ADAMTS10: variants seen among roughly 807,000 people sequenced by gnomAD.
The protein encoded by ADAMTS10 is ADAM metallopeptidase with thrombospondin type 1 motif 10.
In ADAMTS10, 48 loss-of-function variants were observed where a neutral mutation model predicts 135.9. The observed-to-expected ratio is 0.35, with a 90% confidence interval of 0.28 to 0.45. The LOEUF (loss-of-function observed/expected upper bound fraction) is 0.45, where lower values mean the gene tolerates loss of function less well. Ranked by LOEUF, ADAMTS10 falls within the 20% of genes least tolerant of loss-of-function variation. The pLI is 1.00. For synonymous variants in ADAMTS10, 621 were observed against 647.5 expected, an observed-to-expected ratio of 0.96 and a Z score of 0.62; for missense variants, 1,131 against 1,565.2, an observed-to-expected ratio of 0.72 and a Z score of 4.68.
At chr19:8,600,306 T>A (rs1439062893) in intron 6 of ADAMTS10, among the ~76,000 whole-genome samples, 1 of 152,140 alleles carries the variant, frequency 6.6e-6, no homozygotes, top group African/African-American at 2.4e-5. Context: ...AGTTAAAAAG[T>A]GGCAGAGCGG....
At position 8,591,759 on chromosome 19, in the gene ADAMTS10, G is replaced by A. The variant is rs533752686; in HGVS notation, c.1797+41C>T. ...CCGGCCTCTGATAGCTGTTTTTAAT[G>A]CTTCCTCCCCCCACCCCTCAAGGGG... On this transcript the variant is annotated intron_variant, in intron 15 of 25. Transcript: ENST00000597188. The A allele has an allele frequency of 4.8e-4, 777 of 1,610,964 alleles. 7 individuals are homozygous for A. Among genetic ancestry groups the A allele is most frequent in the South Asian group, 4.0e-3 (364 of 90,980 alleles).
chr19:8,599,177 G>A (rs1033681804), intron 6 of ADAMTS10, among the ~76,000 whole-genome samples: 2 of 152,026 alleles, frequency 1.3e-5, no homozygotes, highest in African/African-American at 4.8e-5. Context: ...CTGAGATCTA[G>A]GATGGAAATG....
chr19:8,581,133 T>A (rs1360996379), intron 25 of ADAMTS10, 131 bp from the exon 26 acceptor site: 19 of 65,920 alleles, frequency 2.9e-4, no homozygotes, highest in East Asian at 1.5e-3. Context: ...AAATTTACTT[T>A]TTTTTTTTTT....
chr19:8,585,598 G>A lies in ADAMTS10; in HGVS notation c.2723C>T (p.Ser908Leu), dbSNP rs782377043. Residue 908 changes from serine (S) to leucine (L), a missense_variant, in exon 23 of 26, where the codon TCG becomes TTG. Transcript: ENST00000597188. ...RSCDAGVRSR[S>L]VVCQRRVSAA... Reference sequence around the variant, plus strand: ...AGAGACGCGGCGCTGGCACACGACCGAGCGGCTGCGCACGCCTGCATCGCA... The same window carrying A: ...AGAGACGCGGCGCTGGCACACGACCAAGCGGCTGCGCACGCCTGCATCGCA... 6 of 1,610,334 alleles carry A rather than the reference G, an allele frequency of 3.7e-6. No individual in the cohort carries two copies. The Admixed American group carries it at 5.0e-5, about 13-fold the overall frequency.
intron 15 of ADAMTS10, among the ~76,000 whole-genome samples, chr19:8,590,349 T>C (rs1435701338): frequency 6.6e-6 from 1 of 152,144 alleles, no homozygotes; most frequent in African/African-American, 2.4e-5. Context: ...TCTTAGCTCA[T>C]TGCAACCTCC....
At chr19:8,592,950 A>C (rs1435351091) in intron 12 of ADAMTS10, 80 bp from the exon 13 acceptor site, 4 of 1,336,836 alleles carry the variant, frequency 3.0e-6, no homozygotes, top group Non-Finnish European at 4.2e-6. Context: ...GAGGACCCAG[A>C]TGTCCGGCTC....
chr19:8,582,941 C>T (rs991073686), intron 25 of ADAMTS10, among the ~76,000 whole-genome samples: 2 of 152,144 alleles, frequency 1.3e-5, no homozygotes, highest in Non-Finnish European at 2.9e-5. Flanking sequence ...TGAGCCACCA[C>T]GCCCAGCCTA....
intron 6 of ADAMTS10, among the ~76,000 whole-genome samples, chr19:8,597,781 T>C (rs1001444122): frequency 1.3e-5 from 2 of 152,148 alleles, no homozygotes; most frequent in East Asian, 3.9e-4. Context: ...GCTGAGACTA[T>C]AGGCGCACAT....
chr19:8,587,396 C>A (rs2042451881), intron 18 of ADAMTS10, among the ~76,000 whole-genome samples: 1 of 115,532 alleles, frequency 8.7e-6, no homozygotes, highest in Non-Finnish European at 1.6e-5. Flanking sequence ...AGGCTGGTCT[C>A]AAACTCCTGG....
chr19:8,589,777 G>T (rs1487815211), intron 16 of ADAMTS10, 112 bp downstream of exon 16: 21 of 1,397,678 alleles, frequency 1.5e-5, no homozygotes, highest in Non-Finnish European at 2.0e-5. Context: ...TGTCTCCCCG[G>T]GTGGGGACAG....
chr19:8,604,706 G>A (rs532065930), intron 4 of ADAMTS10, among the ~76,000 whole-genome samples: 101 of 151,754 alleles, frequency 6.7e-4, no homozygotes, highest in African/African-American at 2.1e-3. Context: ...GGCTGGTCTC[G>A]AACTCCTGAC....
chr19:8,591,949 A>G lies in ADAMTS10; in HGVS notation c.1733+9T>C, dbSNP rs377674083. The G allele has an allele frequency of 9.1e-5, 147 of 1,612,662 alleles. No homozygotes were observed. The African/African-American group carries it at 1.7e-3, about 19-fold the overall frequency. On this transcript the variant is annotated intron_variant, in intron 14 of 25. Transcript: ENST00000597188. ...GCTGCCCTCCCGGGTGGGGGTCCTG[A>G]GGGCTGACCTGGGGCTGTCGCAGTG...
intron 5 of ADAMTS10, among the ~76,000 whole-genome samples, chr19:8,603,063 T>C (rs1308564294): frequency 6.6e-6 from 1 of 152,222 alleles, no homozygotes; most frequent in African/African-American, 2.4e-5. Context: ...GCCTTTTGGC[T>C]GTATAACTGC....
At chr19:8,589,799 G>T in intron 16 of ADAMTS10, 90 bp downstream of exon 16, 1 of 1,462,500 alleles carries the variant, frequency 6.8e-7, no homozygotes, top group Non-Finnish European at 9.5e-7. Context: ...GCTCAGGGCA[G>T]ACCCCGGGAT....
intron 2 of ADAMTS10, among the ~76,000 whole-genome samples, chr19:8,607,517 G>T (rs2042733793): frequency 6.6e-6 from 1 of 152,140 alleles, no homozygotes; most frequent in African/African-American, 2.4e-5. Flanking sequence ...CCACCCTGCT[G>T]TCTCCACCCT....
At chr19:8,597,413 C>T (rs913381820) in intron 6 of ADAMTS10, 96 bp from the exon 7 acceptor site, 8 of 1,115,386 alleles carry the variant, frequency 7.2e-6, no homozygotes, top group African/African-American at 6.2e-5. Context: ...TTTCATCAGG[C>T]ACCTACTGTG....
At chr19:8,581,868 A>C (rs1477696926) in intron 25 of ADAMTS10, among the ~76,000 whole-genome samples, 59 of 151,466 alleles carry the variant, frequency 3.9e-4, no homozygotes, top group African/African-American at 9.7e-4. Flanking sequence ...AACAAAAAAA[A>C]AAAAAAGGAA....
chr19:8,583,460 G>A (rs1304344020), intron 25 of ADAMTS10, among the ~76,000 whole-genome samples: 1 of 152,020 alleles, frequency 6.6e-6, no homozygotes, highest in Admixed American at 6.6e-5. Context: ...AGAATCACTT[G>A]TACCCAGGAG....
At chr19:8,592,131 A>G (rs1568398626) in intron 13 of ADAMTS10, 28 bp from the exon 14 acceptor site, 1 of 1,613,334 alleles carries the variant, frequency 6.2e-7, no homozygotes, top group Admixed American at 1.7e-5. Context: ...GGAAGGAGTG[A>G]GTCCAGCCCG....
Sources: allele counts gnomAD v4.1 joint callset (sites outside exome capture counted in the v4.1 genomes callset), GRCh38; gene constraint gnomAD v4.1.1; transcripts MANE v1.5; gene names NCBI Gene and HGNC (gene_info 2026-07-23, HGNC 2026-07-21).